Variants in XPNPEP3 observed in about 807,000 individuals in gnomAD.
The protein encoded by XPNPEP3 is X-prolyl aminopeptidase 3.
Under a neutral mutation model 60.0 loss-of-function variants are expected in XPNPEP3, and 41 were observed. The ratio of observed to expected loss-of-function variants is 0.68; its 90% CI spans 0.53 to 0.89. The LOEUF is 0.89. Among genes scored for constraint, XPNPEP3 ranks in the 40% least tolerant of loss-of-function variants. The pLI, the probability that XPNPEP3 is intolerant of heterozygous loss-of-function variation, is 0.00. For missense variants in XPNPEP3, 598 were observed against 638.9 expected, an observed-to-expected ratio of 0.94 and a Z score of 0.69; for synonymous variants, 212 against 223.2, an observed-to-expected ratio of 0.95 and a Z score of 0.45.
intron 1 of XPNPEP3, among the ~76,000 whole-genome samples, chr22:40,858,226 C>T (rs1441170767): frequency 6.6e-6 from 1 of 152,134 alleles, no homozygotes; most frequent in Non-Finnish European, 1.5e-5. Context: ...GTGCCTCAGC[C>T]TCCCGAGGTA....
chr22:40,899,952 C>T (rs561371202), intron 4 of XPNPEP3, among the ~76,000 whole-genome samples: 1 of 152,164 alleles, frequency 6.6e-6, no homozygotes, highest in East Asian at 1.9e-4. Context: ...CCTTTGTTCC[C>T]AGGCTGCACT....
intron 1 of XPNPEP3, chr22:40,860,817 A>C: frequency 1.6e-6 from 1 of 637,660 alleles, no homozygotes; most frequent in Non-Finnish European, 2.6e-6. Flanking sequence ...CACTTGGCTA[A>C]TTTTTAAATT....
In XPNPEP3 at chr22:40,909,212, G is replaced by A; in HGVS notation, c.946G>A (p.Val316Met). 6.2e-7 allele frequency: 1 copy of A among 1,614,204 alleles called. No individual in the cohort carries two copies. Among genetic ancestry groups the A allele is most frequent in the Non-Finnish European group, 8.5e-7 (1 of 1,180,032 alleles). The part of the protein sequence containing the change: ...GGNRSNTLHY[V>M]KNNQLIKDGE... The stretch of plus-strand genomic sequence containing the variant: ...TAATCGGTCAAACACTTTGCACTAT[G>A]TGAAAAATAATCAACTCATCAAGGT... Residue 316 changes from valine to methionine, a missense_variant, in exon 6 of 10, where the codon GTG becomes ATG. Coordinates refer to ENST00000357137, the MANE Select transcript of XPNPEP3 (RefSeq NM_022098.4).
chr22:40,912,795 A>G (rs1008526763), intron 6 of XPNPEP3, among the ~76,000 whole-genome samples: 3 of 151,908 alleles, frequency 2.0e-5, no homozygotes, highest in Non-Finnish European at 2.9e-5. Flanking sequence ...GCTGGAACCC[A>G]GGAGGCAGAG....
At chr22:40,916,762 G>A (rs2058197693) in intron 7 of XPNPEP3, among the ~76,000 whole-genome samples, 1 of 152,106 alleles carries the variant, frequency 6.6e-6, no homozygotes, top group Admixed American at 6.6e-5. Context: ...AAATTATCTT[G>A]GGGTGAATAT....
intron 4 of XPNPEP3, among the ~76,000 whole-genome samples, chr22:40,900,088 A>T (rs910362450): frequency 6.6e-6 from 1 of 151,690 alleles, no homozygotes; most frequent in African/African-American, 2.4e-5. Flanking sequence ...ATACATAAAT[A>T]AAATGGATCA....
At position 40,886,350 on chromosome 22, in the gene XPNPEP3, C is replaced by G. The variant is rs1474656207; in HGVS notation, c.627C>G (p.Pro209=). 6.2e-7 allele frequency: 1 copy of G among 1,614,018 alleles called. No homozygotes were observed. The highest frequency in any genetic ancestry group is 8.5e-7 in the Non-Finnish European group (1 of 1,180,040). The change falls in exon 4 of 10, where the codon CCC becomes CCG. Residue 209 remains proline (P), a synonymous_variant. Transcript: ENST00000357137. ...TGGTTTGGTATGACTGGATGAGGCC[C>G]TCACATGCACAGCTTCACTCTGACT... The part of the protein sequence containing the change: ...TNMVWYDWMR[P]SHAQLHSDYM...
chr22:40,864,103 T>C (rs1458220897), intron 1 of XPNPEP3, among the ~76,000 whole-genome samples: 2 of 152,254 alleles, frequency 1.3e-5, no homozygotes, highest in Admixed American at 6.5e-5. Context: ...GGCTACTCCA[T>C]AGGCAGAGCA....
chr22:40,862,549 C>T, intron 1 of XPNPEP3: 2 of 985,414 alleles, frequency 2.0e-6, no homozygotes, highest in Non-Finnish European at 2.4e-6. Context: ...AACTTAGTTA[C>T]AATATAATAG....
At chr22:40,924,281 T>G (rs546526936) in intron 8 of XPNPEP3, 81 bp from the exon 9 acceptor site, 1 of 1,582,210 alleles carries the variant, frequency 6.3e-7, no homozygotes, top group East Asian at 2.2e-5. Flanking sequence ...TAATAACACA[T>G]ATCTCACTGA....
At chr22:40,909,929 A>AG (rs1312295561) in intron 6 of XPNPEP3, among the ~76,000 whole-genome samples, 1 of 152,066 alleles carries the variant, frequency 6.6e-6, no homozygotes, top group Non-Finnish European at 1.5e-5. Flanking sequence ...CAGTGAGCCA[A>AG]GCAGATTTCC....
intron 7 of XPNPEP3, among the ~76,000 whole-genome samples, chr22:40,914,923 A>C (rs967258212): frequency 2.0e-5 from 3 of 152,116 alleles, no homozygotes; most frequent in Non-Finnish European, 4.4e-5. Context: ...GTTCACGTGC[A>C]GGTATGAGAT....
chr22:40,877,138 TTC>T (rs2058030710), intron 2 of XPNPEP3, among the ~76,000 whole-genome samples: 1 of 152,198 alleles, frequency 6.6e-6, no homozygotes, highest in Non-Finnish European at 1.5e-5. Context: ...TATGTAGCCT[TTC>T]TGTTTGTTTA....
chr22:40,882,232 C>A, intron 3 of XPNPEP3, 55 bp downstream of exon 3: 1 of 1,600,702 alleles, frequency 6.2e-7, no homozygotes. Flanking sequence ...TAAAACCTTT[C>A]TTGCCTGTTT....
At chr22:40,916,176 C>T (rs540519084) in intron 7 of XPNPEP3, among the ~76,000 whole-genome samples, 10 of 151,940 alleles carry the variant, frequency 6.6e-5, no homozygotes, top group African/African-American at 1.9e-4. Context: ...CCTGTAATCC[C>T]AGCTACTCGG....
chr22:40,920,213 C>A (rs963473762), intron 7 of XPNPEP3, among the ~76,000 whole-genome samples: 3 of 151,946 alleles, frequency 2.0e-5, no homozygotes, highest in Non-Finnish European at 2.9e-5. Context: ...ACTCAAAATA[C>A]AAAAATTAGC....
At chr22:40,904,245 G>A (rs902346425) in intron 4 of XPNPEP3, among the ~76,000 whole-genome samples, 2 of 152,104 alleles carry the variant, frequency 1.3e-5, no homozygotes, top group East Asian at 3.8e-4. Flanking sequence ...ATGTGTACCT[G>A]GAATGCTCTG....
At position 40,926,412 on chromosome 22, in the gene XPNPEP3, CA is replaced by C. The variant is rs756376737; in HGVS notation, c.1502del (p.Gln501ArgfsTer48). On this transcript the variant is annotated frameshift_variant, in exon 10 of 10. Transcript: ENST00000357137. LOFTEE classifies it high-confidence loss of function. ...DCPKEMNDIE[Q>X]ICSQAS The stretch of plus-strand genomic sequence containing the variant: ...TCCCAAAGAGATGAATGACATTGAA[CA>C]GATATGCAGCCAGGCTTCTTGACCT... 5 of 1,614,100 alleles carry C rather than the reference CA, an allele frequency of 3.1e-6. 1 individual carries two copies. In the South Asian group the frequency reaches 5.5e-5, roughly 18 times the overall value.
intron 4 of XPNPEP3, among the ~76,000 whole-genome samples, chr22:40,894,302 C>A (rs1332430209): frequency 2.6e-5 from 4 of 152,174 alleles, no homozygotes; most frequent in Admixed American, 1.3e-4. Context: ...ACTCCAGAAG[C>A]ATCTGTTGAG....
Sources: allele counts gnomAD v4.1 joint callset (sites outside exome capture counted in the v4.1 genomes callset), GRCh38; gene constraint gnomAD v4.1.1; transcripts MANE v1.5; gene names NCBI Gene and HGNC (gene_info 2026-07-23, HGNC 2026-07-21).